Variants in PTPRN2 observed in about 807,000 individuals in gnomAD.
PTPRN2 encodes the protein protein tyrosine phosphatase receptor type N2, also known as receptor-type tyrosine-protein phosphatase N2.
In PTPRN2, 74 loss-of-function variants were observed where a neutral mutation model predicts 118.8. That is an observed-to-expected ratio of 0.62 (90% CI 0.52 to 0.76). PTPRN2 has a LOEUF of 0.76. Ranked by LOEUF, PTPRN2 falls within the 30% of genes least tolerant of loss-of-function variation. The probability of loss-of-function intolerance (pLI) is 0.00; values close to 1 mark genes in which losing one functional copy is unlikely to be tolerated. For missense variants in PTPRN2, 1,481 were observed against 1,394.4 expected (o/e 1.06, Z -0.99); for synonymous variants, 641 against 608.0 (o/e 1.05, Z -0.80).
At chr7:158,116,234 C>T (rs141472833) in intron 9 of PTPRN2, among the ~76,000 whole-genome samples, 16 of 152,228 alleles carry the variant, frequency 1.1e-4, no homozygotes, top group Admixed American at 5.2e-4. Flanking sequence ...TTAAATGAAC[C>T]CCACTCAATT....
At chr7:158,373,582 C>G (rs575603333) in intron 2 of PTPRN2, among the ~76,000 whole-genome samples, 1 of 152,224 alleles carries the variant, frequency 6.6e-6, no homozygotes, top group Non-Finnish European at 1.5e-5. Context: ...CTGAAGCAAA[C>G]GAAGTCTCTC....
intron 11 of PTPRN2, among the ~76,000 whole-genome samples, chr7:158,060,636 G>A (rs1215373152): frequency 2.0e-5 from 3 of 152,206 alleles, no homozygotes; most frequent in African/African-American, 4.8e-5. Context: ...CAGGGGTTAG[G>A]TTTTGACCAT....
rs889171805 is a variant in PTPRN2 at position 158,536,709 on chromosome 7, T to C, written c.113-46924A>G. 8.6e-5 allele frequency among the ~76,000 whole-genome samples: 13 copies of C among 151,570 alleles called. No individual in the cohort carries two copies. In the East Asian group the frequency reaches 1.2e-3, roughly 14 times the overall value. On this transcript the variant is annotated intron_variant, in intron 1 of 22. Transcript: ENST00000389418. ...ACACAAGGGCCTTCCCAGCCCACCA[T>C]TGACGAGATGAGACTCAGGAAGACA...
chr7:157,802,062 G>A (rs1251034746), intron 12 of PTPRN2, among the ~76,000 whole-genome samples: 3 of 151,982 alleles, frequency 2.0e-5, no homozygotes, highest in East Asian at 1.9e-4. Flanking sequence ...CTCCGACTCC[G>A]CTTCCTTCAT....
chr7:157,687,819 G>A (rs1458617449), intron 12 of PTPRN2, among the ~76,000 whole-genome samples: 3 of 152,170 alleles, frequency 2.0e-5, no homozygotes, highest in Admixed American at 1.3e-4. Flanking sequence ...ACGGGGGAAG[G>A]GGTGTCTTAA....
intron 3 of PTPRN2, among the ~76,000 whole-genome samples, chr7:158,208,663 C>T (rs191064152): frequency 2.2e-4 from 33 of 152,158 alleles, no homozygotes; most frequent in Middle Eastern, 6.8e-3. Flanking sequence ...GGATTTCTTC[C>T]GTCTGAAATA....
chr7:157,873,337 G>C (rs1395063552), intron 12 of PTPRN2, among the ~76,000 whole-genome samples: 1 of 152,254 alleles, frequency 6.6e-6, no homozygotes, highest in Non-Finnish European at 1.5e-5. Context: ...GCTCTGGATG[G>C]GATACGCTTC....
At chr7:157,820,166 G>T (rs1352922467) in intron 12 of PTPRN2, among the ~76,000 whole-genome samples, 1 of 121,012 alleles carries the variant, frequency 8.3e-6, no homozygotes, top group African/African-American at 3.2e-5. Flanking sequence ...CACACATATA[G>T]AACACCCACA....
intron 12 of PTPRN2, among the ~76,000 whole-genome samples, chr7:157,800,955 A>C (rs1289762365): frequency 6.6e-6 from 1 of 151,398 alleles, no homozygotes; most frequent in Non-Finnish European, 1.5e-5. Flanking sequence ...CCGTTTCAAA[A>C]AAAATATATA....
intron 2 of PTPRN2, among the ~76,000 whole-genome samples, chr7:158,358,087 G>A (rs987759727): frequency 1.3e-5 from 2 of 152,182 alleles, no homozygotes; most frequent in East Asian, 1.9e-4. Context: ...TGAGTTACTC[G>A]AATACATGAA....
chr7:158,188,173 C>T (rs1825349152), intron 5 of PTPRN2, among the ~76,000 whole-genome samples: 1 of 145,500 alleles, frequency 6.9e-6, no homozygotes, highest in Non-Finnish European at 1.5e-5. Flanking sequence ...GGAAGGCCGC[C>T]ACGCTCGCCC....
At chr7:157,582,981 C>T (rs1800478586) in intron 17 of PTPRN2, among the ~76,000 whole-genome samples, 1 of 151,990 alleles carries the variant, frequency 6.6e-6, no homozygotes, top group African/African-American at 2.4e-5. Context: ...GGGTATAGAC[C>T]CAAAGGAAAT....
At chr7:157,701,538 G>A (rs1798064874) in intron 12 of PTPRN2, among the ~76,000 whole-genome samples, 2 of 152,174 alleles carry the variant, frequency 1.3e-5, no homozygotes, top group Admixed American at 1.3e-4. Flanking sequence ...GAGGCCAGGG[G>A]GTGTCTGCTC....
intron 7 of PTPRN2, among the ~76,000 whole-genome samples, chr7:158,137,232 C>A (rs1460171943): frequency 3.9e-5 from 6 of 152,072 alleles, no homozygotes; most frequent in Non-Finnish European, 8.8e-5. Flanking sequence ...GCCTGGCCAA[C>A]AGGCGAAACC....
intron 12 of PTPRN2, among the ~76,000 whole-genome samples, chr7:157,873,462 G>A (rs73746684): frequency 0.021 from 3,214 of 152,010 alleles, 139 homozygotes; most frequent in African/African-American, 0.074. Flanking sequence ...TCGCCGTGGG[G>A]GCCGGGAGGA....
At chr7:157,665,287 A>G (rs1796081382) in intron 13 of PTPRN2, among the ~76,000 whole-genome samples, 2 of 152,258 alleles carry the variant, frequency 1.3e-5, no homozygotes, top group African/African-American at 4.8e-5. Flanking sequence ...ACAGCGGCCC[A>G]GTGTGTGCAG....
At chr7:158,420,857 G>A (rs115683196) in intron 2 of PTPRN2, among the ~76,000 whole-genome samples, 3,563 of 152,240 alleles carry the variant, frequency 0.023, 121 homozygotes, top group African/African-American at 0.08. Flanking sequence ...AGTTTCCTCC[G>A]CGTCCCTGTT....
At chr7:158,128,702 A>G (rs1585533026) in intron 9 of PTPRN2, among the ~76,000 whole-genome samples, 1 of 152,186 alleles carries the variant, frequency 6.6e-6, no homozygotes, top group East Asian at 1.9e-4. Flanking sequence ...AGCAAACCAC[A>G]CCGGCCTCCT....
intron 12 of PTPRN2, among the ~76,000 whole-genome samples, chr7:157,743,650 G>A (rs2150966515): frequency 6.6e-6 from 1 of 151,930 alleles, no homozygotes; most frequent in East Asian, 1.9e-4. Context: ...CGGGTTGGCT[G>A]AGTTAGGTTC....
Sources: allele counts gnomAD v4.1 joint callset (sites outside exome capture counted in the v4.1 genomes callset), GRCh38; gene constraint gnomAD v4.1.1; transcripts MANE v1.5; gene names NCBI Gene and HGNC (gene_info 2026-07-23, HGNC 2026-07-21).